Variants in CCSER1 observed in about 807,000 individuals in gnomAD.
CCSER1 encodes serine-rich coiled-coil domain-containing protein 1.
Under a neutral mutation model 82.0 loss-of-function variants are expected in CCSER1, and 41 were observed. The observed-to-expected ratio is 0.50, with a 90% CI of 0.39 to 0.65. The LOEUF is 0.65. Among genes scored for constraint, CCSER1 ranks in the 30% least tolerant of loss-of-function variants. The pLI, the probability that CCSER1 is intolerant of heterozygous loss-of-function variation, is 0.00. For synonymous variants in CCSER1, 414 were observed against 383.9 expected (o/e 1.08, Z -0.92); for missense variants, 1,119 against 1,064.2 (o/e 1.05, Z -0.72).
chr4:90,943,934 T>G (rs1285873488), intron 9 of CCSER1, among the ~76,000 whole-genome samples: 2 of 150,912 alleles, frequency 1.3e-5, no homozygotes, highest in African/African-American at 4.9e-5. Flanking sequence ...TGTATTGATT[T>G]AAAAAGTGAA....
At chr4:91,358,649 A>C (rs1431376570) in intron 10 of CCSER1, among the ~76,000 whole-genome samples, 2 of 152,118 alleles carry the variant, frequency 1.3e-5, no homozygotes, top group African/African-American at 4.8e-5. Flanking sequence ...CCACGCTTCC[A>C]CTCAGATGGA....
chr4:90,452,581 C>A (rs115002040), intron 4 of CCSER1, among the ~76,000 whole-genome samples: 2,535 of 152,296 alleles, frequency 0.017, 67 homozygotes, highest in African/African-American at 0.058. Context: ...TGGGCTGGAC[C>A]TCGGGCCTGG....
chr4:90,154,259 C>A (rs376889309), intron 1 of CCSER1, among the ~76,000 whole-genome samples: 1 of 152,174 alleles, frequency 6.6e-6, no homozygotes, highest in Non-Finnish European at 1.5e-5. Flanking sequence ...GGTACCAGTA[C>A]CATGCTGTTT....
chr4:91,116,410 T>C (rs1004311766), intron 10 of CCSER1, among the ~76,000 whole-genome samples: 1 of 152,196 alleles, frequency 6.6e-6, no homozygotes, highest in Non-Finnish European at 1.5e-5. Flanking sequence ...TGAGAGGGCA[T>C]GCTCTTTGGA....
At chr4:91,344,803 C>G (rs72879083) in intron 10 of CCSER1, among the ~76,000 whole-genome samples, 9,973 of 151,952 alleles carry the variant, frequency 0.066, 1,092 homozygotes, top group African/African-American at 0.23. Flanking sequence ...TTATAAGCCT[C>G]TACATGAAAT....
intron 7 of CCSER1, among the ~76,000 whole-genome samples, chr4:90,772,003 T>G (rs1158225627): frequency 6.6e-6 from 1 of 152,130 alleles, no homozygotes; most frequent in Non-Finnish European, 1.5e-5. Flanking sequence ...AACAAGAAAT[T>G]ATGCAATTCT....
chr4:90,803,087 C>T (rs1261662434), intron 7 of CCSER1, among the ~76,000 whole-genome samples: 1 of 152,082 alleles, frequency 6.6e-6, no homozygotes, highest in Non-Finnish European at 1.5e-5. Flanking sequence ...CATGATGACT[C>T]AATGTCAAAC....
intron 10 of CCSER1, among the ~76,000 whole-genome samples, chr4:91,355,718 T>C (rs1469727803): frequency 6.6e-6 from 1 of 152,176 alleles, no homozygotes; most frequent in Non-Finnish European, 1.5e-5. Flanking sequence ...CGGGTGTGAC[T>C]GGAGCAGGGC....
Position 91,000,095 on chromosome 4 carries a change from C to A in CCSER1, c.2172+76648C>A, listed in dbSNP as rs79380847. On this transcript the variant is annotated intron_variant, in intron 9 of 10. Transcript: ENST00000509176. Reference sequence around the variant, plus strand: ...GACTTTGTTTCAGATTAGATGACTGCAGGTGTGTGGCTTTATTTCTGAGTT... The same window carrying A: ...GACTTTGTTTCAGATTAGATGACTGAAGGTGTGTGGCTTTATTTCTGAGTT... Among the ~76,000 whole-genome samples the A allele has an allele frequency of 2.6e-5, 4 of 151,926 alleles. No individual in the cohort carries two copies. In the East Asian group the frequency reaches 7.7e-4, roughly 29 times the overall value.
At chr4:90,826,423 T>C (rs1476534918) in intron 8 of CCSER1, among the ~76,000 whole-genome samples, 1 of 152,218 alleles carries the variant, frequency 6.6e-6, no homozygotes, top group Admixed American at 6.5e-5. Flanking sequence ...GTTAACATGA[T>C]GAAGGAGTAG....
intron 10 of CCSER1, among the ~76,000 whole-genome samples, chr4:91,279,275 T>G (rs906636188): frequency 6.6e-6 from 1 of 152,120 alleles, no homozygotes; most frequent in Admixed American, 6.6e-5. Context: ...TATCTGAATG[T>G]CTCAATCTCT....
At chr4:90,140,657 CTTTTT>C (rs34194245) in intron 1 of CCSER1, among the ~76,000 whole-genome samples, 1 of 63,646 alleles carries the variant, frequency 1.6e-5, no homozygotes, top group Admixed American at 1.9e-4. Flanking sequence ...TTTTGGTCTA[CTTTTT>C]TTTTTTTTTT....
At chr4:90,468,531 C>G in intron 5 of CCSER1, 177 bp downstream of exon 5, 1 of 528,382 alleles carries the variant, frequency 1.9e-6, no homozygotes, top group Non-Finnish European at 3.2e-6. Context: ...TGTCTCCTAA[C>G]TTCATGTCTT....
intron 7 of CCSER1, among the ~76,000 whole-genome samples, chr4:90,797,880 C>T (rs1344036728): frequency 6.6e-6 from 1 of 152,130 alleles, no homozygotes; most frequent in Non-Finnish European, 1.5e-5. Context: ...GGTGACTTGG[C>T]CTTTCTCTCT....
intron 10 of CCSER1, among the ~76,000 whole-genome samples, chr4:91,448,103 G>A (rs1265743918): frequency 1.3e-5 from 2 of 152,008 alleles, no homozygotes; most frequent in Admixed American, 1.3e-4. Flanking sequence ...AATTGAAATT[G>A]GATCATTCTC....
intron 10 of CCSER1, among the ~76,000 whole-genome samples, chr4:91,531,355 T>C (rs1761019558): frequency 6.6e-6 from 1 of 152,220 alleles, no homozygotes; most frequent in Admixed American, 6.5e-5. Context: ...AATATAGTAG[T>C]TGAAGTTTTT....
intron 5 of CCSER1, among the ~76,000 whole-genome samples, chr4:90,502,580 A>G (rs892800274): frequency 6.6e-6 from 1 of 152,158 alleles, no homozygotes; most frequent in African/African-American, 2.4e-5. Context: ...GAAGCGGTGG[A>G]CAATGCCTCA....
chr4:90,740,726 G>GT (rs1194202184), intron 7 of CCSER1, among the ~76,000 whole-genome samples: 13 of 151,958 alleles, frequency 8.6e-5, no homozygotes, highest in African/African-American at 2.4e-4. Flanking sequence ...ATTTCAATTA[G>GT]TTTTTCATTT....
intron 10 of CCSER1, 39 bp downstream of exon 10, chr4:91,086,033 A>T: frequency 2.4e-6 from 3 of 1,247,396 alleles, no homozygotes; most frequent in Non-Finnish European, 3.4e-6. Flanking sequence ...AAAAAGAGGA[A>T]ACATGGCTAT....
Sources: allele counts gnomAD v4.1 joint callset (sites outside exome capture counted in the v4.1 genomes callset), GRCh38; gene constraint gnomAD v4.1.1; transcripts MANE v1.5; gene names NCBI Gene and HGNC (gene_info 2026-07-23, HGNC 2026-07-21).